Variants in URGCP observed in about 807,000 individuals in gnomAD.
The protein encoded by URGCP is upregulator of cell proliferation.
Under a neutral mutation model 24.6 loss-of-function variants are expected in URGCP, and 13 were observed. The ratio of observed to expected loss-of-function variants is 0.53; its 90% CI spans 0.34 to 0.84. The LOEUF (loss-of-function observed/expected upper bound fraction) is 0.84, where lower values mean the gene tolerates loss of function less well. Ranked by LOEUF, URGCP falls within the 40% of genes least tolerant of loss-of-function variation. The pLI, the probability that URGCP is intolerant of heterozygous loss-of-function variation, is 0.01. For synonymous variants in URGCP, 444 were observed against 487.2 expected (o/e 0.91, Z 1.17); for missense variants, 899 against 1,194.3 (o/e 0.75, Z 3.64).
upstream of URGCP, chr7:43,926,557 G>A: frequency 6.4e-7 from 1 of 1,571,026 alleles, no homozygotes; most frequent in Non-Finnish European, 8.6e-7. Flanking sequence ...GATCCAGAAG[G>A]TACGCACTTT....
intron 1 of URGCP, among the ~76,000 whole-genome samples, chr7:43,895,664 G>A (rs1293567950): frequency 6.6e-6 from 1 of 152,238 alleles, no homozygotes; most frequent in Non-Finnish European, 1.5e-5. Context: ...GACACGGTGA[G>A]ACTCTGTCTC....
chr7:43,909,968 G>A (rs148029775), upstream of URGCP, among the ~76,000 whole-genome samples: 238 of 152,110 alleles, frequency 1.6e-3, 2 homozygotes, highest in East Asian at 5.2e-3. Context: ...GCTTGAACCC[G>A]GGAGGCAGAG....
chr7:43,898,242 G>A (rs1386442218), intron 1 of URGCP, among the ~76,000 whole-genome samples: 4 of 152,156 alleles, frequency 2.6e-5, no homozygotes, highest in African/African-American at 9.7e-5. Flanking sequence ...AAACCCAAGA[G>A]ATCAACCTGA....
Position 43,878,360 on chromosome 7 carries a change from T to C in URGCP, c.1103A>G (p.Lys368Arg). The C allele has an allele frequency of 6.2e-7, 1 of 1,614,232 alleles. No homozygotes were observed. The highest frequency in any genetic ancestry group is 8.5e-7 in the Non-Finnish European group (1 of 1,180,046). ...CATGGAGTACAGCAATTTGTATTCC[T>C]TCTTACTGATATTGTCAGTCAATAT... The part of the protein sequence containing the change: ...VFILTDNISK[K>R]EYKLLYSMKE... Residue 368 changes from lysine (K) to arginine (R), a missense_variant, in exon 6 of 6, where the codon AAG (lysine) becomes AGG (arginine). Lys to Arg is a conservative substitution (Grantham distance 26, BLOSUM62 2). Transcript: ENST00000453200. This position sits in a 1 kb window ranked among gnomAD's most constrained non-coding sequence, Gnocchi z 5.6.
At chr7:43,915,901 C>T (rs755937130) in intron 1 of URGCP, among the ~76,000 whole-genome samples, 26 of 152,022 alleles carry the variant, frequency 1.7e-4, no homozygotes, top group South Asian at 2.1e-4. Flanking sequence ...CTCAGCTACT[C>T]GGGAGGCTGA....
chr7:43,907,705 T>C (rs1375456826), upstream of URGCP, among the ~76,000 whole-genome samples: 1 of 152,118 alleles, frequency 6.6e-6, no homozygotes, highest in East Asian at 1.9e-4. Context: ...ATTTGAAAAA[T>C]AAGGCTAAAA....
rs553270831 is a variant in URGCP, at chr7:43,881,420, T to C, written c.202+239A>G. ...TAACTTATTAAAGGCAGTGAGTATG[T>C]TGGGTGGTGGAGGGGGGGCCTGGTT... On this transcript the variant is annotated intron_variant, in intron 5 of 5. Transcript: ENST00000453200. The C allele has an allele frequency of 2.3e-5, 14 of 614,354 alleles. No homozygotes were observed. In the East Asian group the frequency reaches 3.0e-4, roughly 13 times the overall value. The allele number at this position is 614,354 out of a possible 1,614,324, so 38.1% of individuals were successfully genotyped here. A position where few individuals can be genotyped will look rare whatever the true frequency, so the allele number is the denominator to read the frequency against.
chr7:43,882,353 G>A (rs2132656520), intron 3 of URGCP, among the ~76,000 whole-genome samples: 1 of 152,338 alleles, frequency 6.6e-6, no homozygotes, highest in South Asian at 2.1e-4. Context: ...GGGAGGCTGA[G>A]ACAAAATAAT....
chr7:43,898,009 C>A (rs1407169141), intron 1 of URGCP, among the ~76,000 whole-genome samples: 1 of 152,078 alleles, frequency 6.6e-6, no homozygotes, highest in East Asian at 1.9e-4. Flanking sequence ...GGCCCGAGAC[C>A]CCTACCCTTG....
chr7:43,898,080 C>A (rs1281350201), intron 1 of URGCP, among the ~76,000 whole-genome samples: 1 of 152,164 alleles, frequency 6.6e-6, no homozygotes, highest in Non-Finnish European at 1.5e-5. Context: ...GGCAATCCTT[C>A]AACGCGTATA....
At chr7:43,902,824 G>A (rs1278798959) in intron 1 of URGCP, among the ~76,000 whole-genome samples, 1 of 152,100 alleles carries the variant, frequency 6.6e-6, no homozygotes, top group African/African-American at 2.4e-5. Flanking sequence ...ACAACAGGCA[G>A]GAAGAACAAA....
intron 1 of URGCP, among the ~76,000 whole-genome samples, chr7:43,924,473 T>A (rs1189427123): frequency 6.6e-6 from 1 of 152,258 alleles, no homozygotes; most frequent in Non-Finnish European, 1.5e-5. Flanking sequence ...AATAACCATT[T>A]ATATATTCTT....
intron 3 of URGCP, among the ~76,000 whole-genome samples, chr7:43,885,558 C>G (rs1192827313): frequency 2.6e-5 from 4 of 152,112 alleles, no homozygotes; most frequent in Admixed American, 6.5e-5. Context: ...TAGAGAGAGA[C>G]ACAGAGATCA....
intron 1 of URGCP, among the ~76,000 whole-genome samples, chr7:43,904,751 C>T (rs1306650714): frequency 6.6e-6 from 1 of 152,188 alleles, no homozygotes; most frequent in African/African-American, 2.4e-5. Flanking sequence ...CTTGTGTGAG[C>T]ATCATAGGGC....
At chr7:43,905,510 G>C (rs2095899791) in intron 1 of URGCP, 1 of 152,188 alleles carries the variant, frequency 6.6e-6, no homozygotes, top group South Asian at 2.1e-4. Context: ...CCACTGTACT[G>C]AGCCAAATCA....
At chr7:43,906,833 C>T, upstream of URGCP, 1 of 258,784 alleles carries the variant, frequency 3.9e-6, no homozygotes, top group Non-Finnish European at 7.2e-6. Context: ...GCCTGGAGGC[C>T]GGAACTCGCC....
Position 43,881,233 on chromosome 7 carries a change from C to A in URGCP, c.202+426G>T, listed in dbSNP as rs749679341. On this transcript the variant is annotated intron_variant, in intron 5 of 5. Transcript: ENST00000453200. The stretch of plus-strand genomic sequence containing the variant: ...GAAAACACTTCTGCCCAGTGTGTGG[C>A]CCTTGGCAGGTTGTTTGGAAGCTCT... 13 of 702,762 alleles carry A rather than the reference C, an allele frequency of 1.8e-5. No individual in the cohort carries two copies. The East Asian group carries it at 3.5e-4, about 19-fold the overall frequency. The allele number at this position is 702,762 out of a possible 1,614,324, so 43.5% of individuals were successfully genotyped here. A position where few individuals can be genotyped will look rare whatever the true frequency, so the allele number is the denominator to read the frequency against.
At chr7:43,910,623 G>A (rs1021124118), upstream of URGCP, 2 of 152,066 alleles carry the variant, frequency 1.3e-5, no homozygotes, top group African/African-American at 4.8e-5. Flanking sequence ...TAGAGGCTGA[G>A]GTGGGAGGAT....
intron 1 of URGCP, among the ~76,000 whole-genome samples, chr7:43,900,460 AAACC>A: frequency 8.3e-6 from 1 of 120,040 alleles, no homozygotes; most frequent in Non-Finnish European, 1.7e-5. Flanking sequence ...GCCTCAAAAA[AAACC>A]AAAACAAAAA....
Sources: allele counts gnomAD v4.1 joint callset (sites outside exome capture counted in the v4.1 genomes callset), GRCh38; gene constraint gnomAD v4.1.1; non-coding constraint Gnocchi (gnomAD v3.1); transcripts MANE v1.5; gene names NCBI Gene and HGNC (gene_info 2026-07-23, HGNC 2026-07-21).